The following TATDN1 variants were observed in gnomAD, a reference collection of about 807,000 sequenced individuals.
TATDN1 encodes TatD DNase domain containing 1, also known as deoxyribonuclease TATDN1.
In TATDN1, 40 loss-of-function variants were observed where a neutral mutation model predicts 46.4. The ratio of observed to expected loss-of-function variants is 0.86; its 90% CI spans 0.67 to 1.12. The LOEUF is 1.12. Among genes scored for constraint, TATDN1 ranks in the 50% most tolerant of loss-of-function variants. The pLI is 0.00. For synonymous variants in TATDN1, 95 were observed against 105.6 expected, an observed-to-expected ratio of 0.90 and a Z score of 0.62; for missense variants, 326 against 348.4, an observed-to-expected ratio of 0.94 and a Z score of 0.51.
rs1820184379 is a variant in TATDN1 at position 124,522,989 on chromosome 8, G to A, written c.36C>T (p.Asn12=). 1 of 1,612,866 alleles carries A rather than the reference G, an allele frequency of 6.2e-7. No individual in the cohort carries two copies. The highest frequency in any genetic ancestry group is 1.7e-5 in the Admixed American group (1 of 59,996). Residue 12 remains asparagine, a synonymous_variant, in exon 2 of 12, where the codon AAC becomes AAT. Coordinates refer to ENST00000276692, the MANE Select transcript of TATDN1 (RefSeq NM_032026.4). The part of the protein sequence containing the change: ...SRFKFIDIGI[N]LTDPMFRGIY... ...TTCCTCTGAACATAGGGTCAGTCAA[G>A]TTGATACCAATATCTGTAGAAAGCA...
rs933687078 is a variant in TATDN1 at position 124,508,637 on chromosome 8, A to C, written c.441T>G (p.Phe147Leu). The part of the protein sequence containing the change: ...ELSEQTKLPM[F>L]LHCRNSHAEF... Reference sequence around the variant, plus strand: ...CAGCATGTGAGTTTCGACAATGAAGAAACATTGGTAATTTTGTTTGTTCTG... The same window carrying C: ...CAGCATGTGAGTTTCGACAATGAAGCAACATTGGTAATTTTGTTTGTTCTG... The change falls in exon 7 of 12, where the codon TTT becomes TTG. Residue 147 changes from phenylalanine (F) to leucine (L), a missense_variant. Phe to Leu is a conservative substitution (Grantham distance 22). Transcript: ENST00000276692. The C allele has an allele frequency of 8.7e-6, 14 of 1,601,098 alleles. No individual in the cohort carries two copies. Among genetic ancestry groups the C allele is most frequent in the Non-Finnish European group, 1.1e-5 (13 of 1,173,508 alleles).
chr8:124,530,456 T>G (rs548580461), intron 1 of TATDN1, among the ~76,000 whole-genome samples: 1 of 151,962 alleles, frequency 6.6e-6, no homozygotes, highest in African/African-American at 2.4e-5. Context: ...AGAGGGACAA[T>G]TGCAAAGAGA....
At chr8:124,529,940 A>G (rs71516748) in intron 1 of TATDN1, among the ~76,000 whole-genome samples, 28,121 of 151,988 alleles carry the variant, frequency 0.19, 2,785 homozygotes, top group Middle Eastern at 0.23. Context: ...AAAAATACAA[A>G]AATTAGTTGG....
intron 6 of TATDN1, among the ~76,000 whole-genome samples, chr8:124,509,899 A>C (rs28725399): frequency 6.6e-6 from 1 of 151,644 alleles, no homozygotes; most frequent in African/African-American, 2.4e-5. Context: ...ATTAGCCGGC[A>C]TGTTGGCACA....
intron 9 of TATDN1, chr8:124,504,063 G>A: frequency 3.7e-6 from 3 of 806,900 alleles, no homozygotes; most frequent in Non-Finnish European, 5.7e-6. Flanking sequence ...AGAACATAAT[G>A]TAGTAGTCTA....
intron 6 of TATDN1, among the ~76,000 whole-genome samples, chr8:124,512,903 T>C (rs1003529896): frequency 6.6e-6 from 1 of 152,060 alleles, no homozygotes; most frequent in Admixed American, 6.6e-5. Flanking sequence ...CAAAATGTGA[T>C]TGTTACTAGT....
At chr8:124,498,179 T>C (rs1817648602) in intron 9 of TATDN1, among the ~76,000 whole-genome samples, 1 of 152,236 alleles carries the variant, frequency 6.6e-6, no homozygotes, top group Non-Finnish European at 1.5e-5. Context: ...TAGTGTTGCG[T>C]TTCCTTTGCT....
Position 124,488,896 on chromosome 8 carries a change from T to A in TATDN1, c.792-200A>T, listed in dbSNP as rs1816653536. The stretch of plus-strand genomic sequence containing the variant: ...AAACAGATTTATGGACTGTCTTGCA[T>A]ATAACTAGAGCTAAGAACCAGGTTC... On this transcript the variant is annotated intron_variant, in intron 11 of 11. Coordinates refer to ENST00000276692, the MANE Select transcript of TATDN1 (RefSeq NM_032026.4). The A allele has an allele frequency of 1.1e-4, 56 of 518,040 alleles. No individual in the cohort carries two copies. In the South Asian group the frequency reaches 1.2e-3, roughly 12 times the overall value. The allele number at this position is 518,040 out of a possible 1,614,324, so 32.1% of individuals were successfully genotyped here. A position where few individuals can be genotyped will look rare whatever the true frequency, so the allele number is the denominator to read the frequency against.
intron 6 of TATDN1, among the ~76,000 whole-genome samples, chr8:124,512,544 T>C (rs929620752): frequency 1.3e-5 from 2 of 152,238 alleles, no homozygotes; most frequent in African/African-American, 4.8e-5. Flanking sequence ...AGCTGAATTA[T>C]AGGCTTTTTA....
intron 9 of TATDN1, among the ~76,000 whole-genome samples, chr8:124,500,028 A>G (rs1817821735): frequency 6.6e-6 from 1 of 151,686 alleles, no homozygotes; most frequent in Admixed American, 6.6e-5. Context: ...TATTTTTAGT[A>G]GAGATGGGGT....
At chr8:124,519,860 T>C (rs1329928562) in intron 3 of TATDN1, among the ~76,000 whole-genome samples, 3 of 152,214 alleles carry the variant, frequency 2.0e-5, no homozygotes, top group Non-Finnish European at 4.4e-5. Context: ...TAAAGAGTTA[T>C]GTGTTGATAG....
Position 124,520,811 on chromosome 8 carries a change from C to T in TATDN1, c.138+1340G>A, listed in dbSNP as rs966697515. On this transcript the variant is annotated intron_variant, in intron 3 of 11. Transcript: ENST00000276692. Reference sequence around the variant, plus strand: ...CAAAAAAATTAGCCGGGTGTGGTGGCGGGCGCCTGTAGTCCCAGCTACTCG... The same window carrying T: ...CAAAAAAATTAGCCGGGTGTGGTGGTGGGCGCCTGTAGTCCCAGCTACTCG... 2.4e-4 allele frequency among the ~76,000 whole-genome samples: 37 copies of T among 151,864 alleles called. No individual in the cohort carries two copies. The East Asian group carries it at 6.0e-3, about 25-fold the overall frequency.
chr8:124,538,676 G>A (rs1821716793), intron 1 of TATDN1, among the ~76,000 whole-genome samples: 1 of 152,222 alleles, frequency 6.6e-6, no homozygotes, highest in Admixed American at 6.5e-5. Flanking sequence ...CCAAGGCAGA[G>A]GGGAAGGGCC....
At chr8:124,520,639 A>G (rs1196222206) in intron 3 of TATDN1, among the ~76,000 whole-genome samples, 1 of 151,962 alleles carries the variant, frequency 6.6e-6, no homozygotes, top group Non-Finnish European at 1.5e-5. Context: ...CTCCTCTCCC[A>G]GTGTATAAAA....
intron 1 of TATDN1, chr8:124,526,767 A>G (rs1303340489): frequency 1.3e-5 from 2 of 152,248 alleles, no homozygotes; most frequent in East Asian, 3.8e-4. Flanking sequence ...ACAACTCTTA[A>G]GTTGAAGCCT....
intron 8 of TATDN1, among the ~76,000 whole-genome samples, chr8:124,507,385 A>G (rs1818559228): frequency 6.6e-6 from 1 of 152,236 alleles, no homozygotes; most frequent in Admixed American, 6.5e-5. Flanking sequence ...AAAATATTTC[A>G]AAACATAAAA....
intron 10 of TATDN1, 61 bp downstream of exon 10, chr8:124,495,407 TTCTC>T: frequency 7.9e-7 from 1 of 1,263,718 alleles, no homozygotes; most frequent in Non-Finnish European, 1.1e-6. Flanking sequence ...TCAAATTTCT[TTCTC>T]CAGCTTTCCT....
chr8:124,527,569 T>C (rs907886647), intron 1 of TATDN1, among the ~76,000 whole-genome samples: 10 of 152,082 alleles, frequency 6.6e-5, no homozygotes, highest in African/African-American at 2.4e-4. Context: ...TACTGAGGTG[T>C]GACCAAACTC....
chr8:124,528,098 C>G (rs1340709373), intron 1 of TATDN1, among the ~76,000 whole-genome samples: 1 of 152,146 alleles, frequency 6.6e-6, no homozygotes, highest in Non-Finnish European at 1.5e-5. Context: ...TGGAAGCCAA[C>G]TAAATAGATC....
Sources: gnomAD v4.1 joint callset for allele counts (sites outside exome capture counted in the v4.1 genomes callset) on GRCh38, gnomAD v4.1.1 for gene constraint, MANE v1.5 for transcripts, NCBI Gene and HGNC (gene_info 2026-07-23, HGNC 2026-07-21) for gene names.